The following SCLT1 variants were observed in gnomAD, a reference collection of about 807,000 sequenced individuals.
The protein encoded by SCLT1 is sodium channel-associated protein 1.
In SCLT1, 78 loss-of-function variants were observed where a neutral mutation model predicts 112.8. The observed-to-expected ratio is 0.69, with a 90% CI of 0.58 to 0.83. The LOEUF (loss-of-function observed/expected upper bound fraction) is 0.83, where lower values mean the gene tolerates loss of function less well. Ranked by LOEUF, SCLT1 falls within the 40% of genes least tolerant of loss-of-function variation. The pLI is 0.00. For synonymous variants in SCLT1, 257 were observed against 254.7 expected (o/e 1.01, Z -0.09); for missense variants, 747 against 770.4 (o/e 0.97, Z 0.36).
intron 18 of SCLT1, among the ~76,000 whole-genome samples, chr4:128,936,157 T>C (rs1011378521): frequency 6.6e-6 from 1 of 152,024 alleles, no homozygotes; most frequent in Non-Finnish European, 1.5e-5. Flanking sequence ...TAGTTTTAGG[T>C]TTACTATAGT....
intron 2 of SCLT1, among the ~76,000 whole-genome samples, chr4:129,062,767 G>A (rs747744951): frequency 6.6e-6 from 1 of 152,156 alleles, no homozygotes; most frequent in Admixed American, 6.5e-5. Context: ...GATTGCCTAC[G>A]GAAGTTCCTT....
At chr4:128,976,655 A>G (rs893901955) in intron 9 of SCLT1, among the ~76,000 whole-genome samples, 1 of 152,242 alleles carries the variant, frequency 6.6e-6, no homozygotes, top group Non-Finnish European at 1.5e-5. Flanking sequence ...AAGCAAGCAT[A>G]TGTTAAGCAA....
intron 18 of SCLT1, among the ~76,000 whole-genome samples, chr4:128,930,349 C>T (rs1736660538): frequency 6.6e-6 from 1 of 152,162 alleles, no homozygotes; most frequent in South Asian, 2.1e-4. Flanking sequence ...GATCCTCCAG[C>T]TCCCATTAAG....
intron 4 of SCLT1, chr4:128,874,473 CAAAA>C (rs767008769): frequency 4.1e-5 from 6 of 144,720 alleles, no homozygotes; most frequent in Admixed American, 1.4e-4. Context: ...TATGCTGAAC[CAAAA>C]AAAACAAAAC....
intron 17 of SCLT1, among the ~76,000 whole-genome samples, chr4:128,942,145 A>G (rs780629643): frequency 6.6e-6 from 1 of 152,078 alleles, no homozygotes; most frequent in Non-Finnish European, 1.5e-5. Context: ...TTTTTAAATA[A>G]GACTCTCTTT....
Position 128,988,831 on chromosome 4 carries a change from T to C in SCLT1, c.686+3336A>G, listed in dbSNP as rs540475737. ...AACCCCAAAAGAGCAAGAGTAGCTATACTTACACCAGATAAAATAGATTTC... is the reference window on the plus strand; with the variant it reads ...AACCCCAAAAGAGCAAGAGTAGCTACACTTACACCAGATAAAATAGATTTC... On this transcript the variant is annotated intron_variant, in intron 9 of 20. Coordinates refer to ENST00000281142, the MANE Select transcript of SCLT1 (RefSeq NM_144643.4). 1.3e-4 allele frequency among the ~76,000 whole-genome samples: 20 copies of C among 151,990 alleles called. No homozygotes were observed. In the East Asian group the frequency reaches 1.7e-3, roughly 13 times the overall value.
chr4:129,055,375 C>T (rs539847373), intron 2 of SCLT1, among the ~76,000 whole-genome samples: 25 of 152,320 alleles, frequency 1.6e-4, no homozygotes, highest in African/African-American at 5.8e-4. Context: ...ACTGAAGCTA[C>T]AACCACATTC....
In SCLT1 at chr4:129,011,749, C is replaced by T. The variant is rs549164780; in HGVS notation, c.291-7873G>A. ...GGTCTGTTCAGTAATTCAATTTCCTCCTGGTTTAGTCTTAGGAGGGTGTAT... is the reference window on the plus strand; with the variant it reads ...GGTCTGTTCAGTAATTCAATTTCCTTCTGGTTTAGTCTTAGGAGGGTGTAT... On this transcript the variant is annotated intron_variant, in intron 5 of 20. Transcript: ENST00000281142. 7.9e-5 allele frequency among the ~76,000 whole-genome samples: 12 copies of T among 152,136 alleles called. No homozygotes were observed. The South Asian group carries it at 2.5e-3, about 32-fold the overall frequency.
At chr4:128,945,027 C>T (rs748714988) in intron 16 of SCLT1, 39 of 152,176 alleles carry the variant, frequency 2.6e-4, no homozygotes, top group Admixed American at 1.8e-3. Context: ...CCAGTCCTCG[C>T]ACCTTATTCT....
chr4:129,015,942 C>A (rs1744953059), intron 5 of SCLT1, among the ~76,000 whole-genome samples: 2 of 152,148 alleles, frequency 1.3e-5, no homozygotes, highest in African/African-American at 4.8e-5. Context: ...GGCTATCATA[C>A]AGGTTTATAT....
intron 2 of SCLT1, among the ~76,000 whole-genome samples, chr4:129,075,338 T>A (rs895812299): frequency 6.6e-6 from 1 of 152,228 alleles, no homozygotes; most frequent in East Asian, 1.9e-4. Flanking sequence ...TTCGTTTATA[T>A]CATGAGGAGG....
At chr4:128,963,110 C>A (rs944916786) in intron 11 of SCLT1, among the ~76,000 whole-genome samples, 2 of 151,980 alleles carry the variant, frequency 1.3e-5, no homozygotes, top group African/African-American at 4.8e-5. Flanking sequence ...GGCAGCCAAC[C>A]AAGAGTCAAT....
At chr4:128,893,734 G>A (rs1733509799) in intron 18 of SCLT1, among the ~76,000 whole-genome samples, 2 of 152,080 alleles carry the variant, frequency 1.3e-5, no homozygotes, top group African/African-American at 4.8e-5. Context: ...GTAGAGATGA[G>A]GTTTCACCAT....
At position 129,003,779 on chromosome 4, in the gene SCLT1, C is replaced by CTGTT; in HGVS notation, c.384_387dup (p.Val130AsnfsTer43). 1 of 1,610,620 alleles carries CTGTT rather than the reference C, an allele frequency of 6.2e-7. No individual in the cohort carries two copies. Among genetic ancestry groups the CTGTT allele is most frequent in the Non-Finnish European group, 8.5e-7 (1 of 1,178,642 alleles). On this transcript the variant is annotated frameshift_variant, in exon 6 of 21. Transcript: ENST00000281142. LOFTEE classifies it high-confidence loss of function. ...TGCAATTGTTCTTGAAGGTTTCTGA[C>CTGTT]TGTTTCATCATCTGCATATATGTCA... is the stretch of plus-strand genomic sequence containing the variant.
intron 18 of SCLT1, among the ~76,000 whole-genome samples, chr4:128,926,376 C>G (rs1736301577): frequency 6.6e-6 from 1 of 152,080 alleles, no homozygotes; most frequent in Non-Finnish European, 1.5e-5. Context: ...TGCATAAACT[C>G]TTGATGTTTT....
Position 129,093,157 on chromosome 4 carries a change from CAG to C in SCLT1, c.-56_-55del, listed in dbSNP as rs1753007208. 3 of 1,561,786 alleles carry C rather than the reference CAG, an allele frequency of 1.9e-6. No individual in the cohort carries two copies. Among genetic ancestry groups the C allele is most frequent in the Admixed American group, 1.7e-5 (1 of 59,736 alleles). On this transcript the variant is annotated 5_prime_UTR_variant, in exon 1 of 21. Coordinates refer to ENST00000281142, the MANE Select transcript of SCLT1 (RefSeq NM_144643.4). ...ACCACCTTTACCTTCCTCTGAAAGA[CAG>C]AGAGCTTGCTGTGCGGGAAAACAAA...
At position 129,003,881 on chromosome 4, in the gene SCLT1, G is replaced by A. The variant is rs1285261659; in HGVS notation, c.291-5C>T. On this transcript the variant is annotated splice_region_variant and splice_polypyrimidine_tract_variant and intron_variant, in intron 5 of 20. Coordinates refer to ENST00000281142, the MANE Select transcript of SCLT1 (RefSeq NM_144643.4). ...TCTTTTAATTCACTGTGCAACCTTT[G>A]AAACAAATAGTTAACATGATAGCCT... 2 of 1,607,056 alleles carry A rather than the reference G, an allele frequency of 1.2e-6. No individual in the cohort carries two copies. The highest frequency in any genetic ancestry group is 1.3e-5 in the African/African-American group (1 of 74,560).
At position 129,031,635 on chromosome 4, in the gene SCLT1, T is replaced by A. The variant is rs186194343; in HGVS notation, c.290+7406A>T. Among the ~76,000 whole-genome samples the A allele has an allele frequency of 2.4e-4, 37 of 152,114 alleles. 1 individual carries two copies. The highest frequency in any genetic ancestry group is 8.7e-4 in the African/African-American group (36 of 41,522). ...AAAGTCTCAGGATACCAAATTAATG[T>A]GCAAAATCAAAGGATTCCTATACAA... On this transcript the variant is annotated intron_variant, in intron 5 of 20. Transcript: ENST00000281142.
intron 2 of SCLT1, among the ~76,000 whole-genome samples, chr4:129,057,070 T>C (rs1315838587): frequency 6.6e-6 from 1 of 152,208 alleles, no homozygotes; most frequent in African/African-American, 2.4e-5. Context: ...TATCGCTTGC[T>C]TTTTTTGGAT....
Sources: allele counts gnomAD v4.1 joint callset (sites outside exome capture counted in the v4.1 genomes callset), GRCh38; gene constraint gnomAD v4.1.1; transcripts MANE v1.5; gene names NCBI Gene and HGNC (gene_info 2026-07-23, HGNC 2026-07-21).